The following WDR4 variants were observed in gnomAD, a reference collection of about 807,000 sequenced individuals.
WDR4 encodes tRNA (guanine-N(7)-)-methyltransferase non-catalytic subunit WDR4.
A neutral mutation model predicts 48.6 loss-of-function variants in WDR4; 47 were observed. That is an observed-to-expected ratio of 0.97 (90% CI 0.77 to 1.23). The LOEUF is 1.23. Ranked by LOEUF, WDR4 falls within the 50% of genes most tolerant of loss-of-function variation. The probability of loss-of-function intolerance (pLI) is 0.00; values close to 1 mark genes in which losing one functional copy is unlikely to be tolerated. For missense variants in WDR4, 606 were observed against 551.6 expected, an observed-to-expected ratio of 1.10 and a Z score of -0.99; for synonymous variants, 268 against 230.0, an observed-to-expected ratio of 1.17 and a Z score of -1.49.
chr21:42,869,258 C>T (rs1041360151), intron 3 of WDR4, among the ~76,000 whole-genome samples: 1 of 152,168 alleles, frequency 6.6e-6, no homozygotes. Context: ...GAGAGGACAC[C>T]GAACTGTACT....
intron 6 of WDR4, among the ~76,000 whole-genome samples, chr21:42,857,299 A>C (rs977621072): frequency 3.3e-5 from 5 of 152,048 alleles, no homozygotes; most frequent in Admixed American, 3.3e-4. Context: ...GGCAAGAGTG[A>C]AGGCCGGGAC....
Position 42,850,224 on chromosome 21 carries a change from G to T in WDR4, c.1064C>A (p.Ala355Asp), listed in dbSNP as rs1315295858. ...GGCCTTGTAGAGACTGCTGAAGCTGGCGTCTGCGCCGGCAGAGCCTGTGAT... is the reference window on the plus strand; with the variant it reads ...GGCCTTGTAGAGACTGCTGAAGCTGTCGTCTGCGCCGGCAGAGCCTGTGAT... ...AMLEGSAGAD[A>D]SFSSLYKATF... Residue 355 changes from alanine (A) to aspartate (D), a missense_variant, in exon 11 of 11, where the codon GCC (alanine) becomes GAC (aspartate). Transcript: ENST00000398208. 1.3e-6 allele frequency: 2 copies of T among 1,599,750 alleles called. No homozygotes were observed. Among genetic ancestry groups the T allele is most frequent in the South Asian group, 2.2e-5 (2 of 89,982 alleles).
At chr21:42,866,978 C>T (rs954307365) in intron 3 of WDR4, among the ~76,000 whole-genome samples, 2 of 152,190 alleles carry the variant, frequency 1.3e-5, no homozygotes, top group Non-Finnish European at 1.5e-5. Flanking sequence ...CCAAGCCACA[C>T]CATCGAGGCG....
At chr21:42,892,859 C>A in the WDR4 span, among the ~76,000 whole-genome samples, 2 of 152,080 alleles carry the variant, frequency 1.3e-5, no homozygotes, top group African/African-American at 4.8e-5. Context: ...GCCGAGGTCC[C>A]GAGCTGAAGA....
At chr21:42,879,578 A>G (rs2058586916), upstream of WDR4, 2 of 1,538,266 alleles carry the variant, frequency 1.3e-6, no homozygotes, top group South Asian at 2.3e-5. Context: ...CCAGGCGCAG[A>G]CGCCGAGAGA....
intron 1 of WDR4, among the ~76,000 whole-genome samples, chr21:42,877,082 G>A (rs937970218): frequency 1.3e-5 from 2 of 150,280 alleles, no homozygotes; most frequent in Non-Finnish European, 3.0e-5. Flanking sequence ...CTCCCAAAGT[G>A]CTCACAGGTG....
chr21:42,863,911 T>TC (rs2058181709), intron 3 of WDR4, among the ~76,000 whole-genome samples: 21 of 119,138 alleles, frequency 1.8e-4, no homozygotes, highest in African/African-American at 7.7e-4. Flanking sequence ...TTGAGACCAT[T>TC]CTGGCTAACA....
At chr21:42,872,664 G>A (rs866191913) in intron 3 of WDR4, among the ~76,000 whole-genome samples, 2 of 151,320 alleles carry the variant, frequency 1.3e-5, no homozygotes, top group African/African-American at 4.9e-5. Context: ...GCCGGGTGTA[G>A]TGGCTCACAC....
chr21:42,864,102 C>T (rs113308805), intron 3 of WDR4, among the ~76,000 whole-genome samples: 1,807 of 59,288 alleles, frequency 0.03, 48 homozygotes, highest in Middle Eastern at 0.046. Context: ...AGCGAGACTC[C>T]GTCTCAAAAA....
At chr21:42,890,220 C>T in the WDR4 span, among the ~76,000 whole-genome samples, 580 of 151,906 alleles carry the variant, frequency 3.8e-3, 3 homozygotes, top group African/African-American at 0.013. Flanking sequence ...TCCAAGTGAT[C>T]CTGTTGTAAT....
At chr21:42,871,933 G>A (rs1051469223) in intron 3 of WDR4, among the ~76,000 whole-genome samples, 12 of 152,036 alleles carry the variant, frequency 7.9e-5, no homozygotes, top group African/African-American at 2.9e-4. Flanking sequence ...TTTTTAACCT[G>A]ACTGGAAGAG....
chr21:42,848,762 G>A (rs1192354822), downstream of WDR4, among the ~76,000 whole-genome samples: 27 of 30,312 alleles, frequency 8.9e-4, 1 homozygote, highest in East Asian at 3.9e-3. Context: ...ACACGATCAC[G>A]CGGCGCGCAC....
At chr21:42,858,903 G>A (rs910973973) in intron 6 of WDR4, among the ~76,000 whole-genome samples, 35 of 152,176 alleles carry the variant, frequency 2.3e-4, no homozygotes, top group African/African-American at 7.5e-4. Context: ...AGACAACACA[G>A]GGAAGGACAG....
chr21:42,879,089 G>A lies in WDR4; in HGVS notation c.89+318C>T, dbSNP rs528984388. 311 of 1,166,160 alleles carry A rather than the reference G, an allele frequency of 2.7e-4. No individual in the cohort carries two copies. In the African/African-American group the frequency reaches 4.6e-3, roughly 17 times the overall value. The allele number at this position is 1,166,160 out of a possible 1,614,324, so 72.2% of individuals were successfully genotyped here. ...GTCGCCCCACGTGCTCTACCTACCC[G>A]GTCCCCGCCGGCGCCGCGGAGACCG... On this transcript the variant is annotated intron_variant, in intron 1 of 10. Transcript: ENST00000398208.
Position 42,849,260 on chromosome 21 carries a change from A to G in WDR4, c.*789T>C, listed in dbSNP as rs1479718051. 2.0e-5 allele frequency: 3 copies of G among 152,434 alleles called. No individual in the cohort carries two copies. Among genetic ancestry groups the G allele is most frequent in the East Asian group, 1.9e-4 (1 of 5,204 alleles). The allele number at this position is 152,434 out of a possible 1,614,324, so 9.4% of individuals were successfully genotyped here. On this transcript the variant is annotated 3_prime_UTR_variant, in exon 11 of 11. Coordinates refer to ENST00000398208, the MANE Select transcript of WDR4 (RefSeq NM_018669.6). ...CTGGTATATTCGGTTGCTGCTAAAC[A>G]TTCCTAGGAAGTTGAGAAGGTTCAT...
downstream of WDR4, among the ~76,000 whole-genome samples, chr21:42,846,083 C>T (rs552152511): frequency 4.5e-4 from 68 of 152,158 alleles, no homozygotes; most frequent in African/African-American, 1.4e-3. Context: ...CAAGGTCACA[C>T]CACTGCACTC....
chr21:42,879,443 C>T lies in WDR4; in HGVS notation c.53G>A (p.Gly18Asp), dbSNP rs1036702870. 4 of 1,613,656 alleles carry T rather than the reference C, an allele frequency of 2.5e-6. No individual in the cohort carries two copies. Among genetic ancestry groups the T allele is most frequent in the Non-Finnish European group, 3.4e-6 (4 of 1,179,886 alleles). Residue 18 changes from glycine (G) to aspartate (D), a missense_variant, in exon 1 of 11, where the codon GGC (glycine) becomes GAC (aspartate). Gly to Asp is a moderately conservative substitution (Grantham distance 94, BLOSUM62 -1). Coordinates refer to ENST00000398208, the MANE Select transcript of WDR4 (RefSeq NM_018669.6). The part of the protein sequence containing the change: ...ALCGQTLVVR[G>D]GSRFLATSIA... The stretch of plus-strand genomic sequence containing the variant: ...GGAGGTGGCCAGGAATCGGCTGCCG[C>T]CCCGCACCACCAACGTCTGCCCGCA...
At chr21:42,863,384 C>T in intron 4 of WDR4, 56 bp downstream of exon 4, 1 of 1,574,452 alleles carries the variant, frequency 6.4e-7, no homozygotes, top group Middle Eastern at 1.7e-4. Flanking sequence ...GCCACGTCCC[C>T]CATGTACCGT....
At chr21:42,848,179 T>A (rs111583381), downstream of WDR4, among the ~76,000 whole-genome samples, 1 of 152,182 alleles carries the variant, frequency 6.6e-6, no homozygotes, top group African/African-American at 2.4e-5. Context: ...ATCGCCAGCA[T>A]GAACCTGTTC....
Sources: allele counts gnomAD v4.1 joint callset (sites outside exome capture counted in the v4.1 genomes callset), GRCh38; gene constraint gnomAD v4.1.1; transcripts MANE v1.5; gene names NCBI Gene and HGNC (gene_info 2026-07-23, HGNC 2026-07-21).